The following ACTN1 variants were observed in gnomAD, a reference collection of about 807,000 sequenced individuals.
The protein encoded by ACTN1 is actinin alpha 1, also known as alpha-actinin-1.
ACTN1 carries 30 observed loss-of-function variants against 119.6 expected under a neutral mutation model. The observed-to-expected ratio is 0.25, with a 90% confidence interval of 0.19 to 0.34. The LOEUF is 0.34. Among genes scored for constraint, ACTN1 ranks in the 10% least tolerant of loss-of-function variants. The pLI is 1.00. For missense variants in ACTN1, 764 were observed against 1,223.4 expected, an observed-to-expected ratio of 0.62 and a Z score of 5.60; for synonymous variants, 429 against 472.6, an observed-to-expected ratio of 0.91 and a Z score of 1.20.
chr14:68,923,280 T>C (rs2034747355), intron 2 of ACTN1, among the ~76,000 whole-genome samples: 1 of 152,054 alleles, frequency 6.6e-6, no homozygotes, highest in African/African-American at 2.4e-5. Flanking sequence ...GACTACACTT[T>C]GTGATAAAAG....
intron 1 of ACTN1, among the ~76,000 whole-genome samples, chr14:68,975,571 CACAT>C (rs1306410589): frequency 1.3e-5 from 2 of 152,266 alleles, no homozygotes; most frequent in South Asian, 2.1e-4. Context: ...ACTGGGTACA[CACAT>C]ACACCTAAGA....
Position 68,879,987 on chromosome 14 carries a change from C to T in ACTN1, c.2255G>A (p.Arg752Gln), listed in dbSNP as rs387907347. The T allele has an allele frequency of 3.7e-6, 6 of 1,614,150 alleles. No homozygotes were observed. The highest frequency in any genetic ancestry group is 1.7e-6 in the Non-Finnish European group (2 of 1,179,978). Residue 752 changes from arginine (R) to glutamine (Q), a missense_variant, in exon 18 of 22, where the codon CGG becomes CAG. Transcript: ENST00000394419. This position sits in a 1 kb window ranked among gnomAD's most constrained non-coding sequence, Gnocchi z 4.9. ...CCGGTCAAAGTGGTTGAAGGAGGCC[C>T]GGAACTCATTCATCTGCTCCTGGCT... ...GISQEQMNEFRASFNHFDRDH... is the reference protein window; with the variant it reads ...GISQEQMNEFQASFNHFDRDH...
chr14:68,908,868 A>C (rs1392170677), intron 6 of ACTN1, among the ~76,000 whole-genome samples: 3 of 152,252 alleles, frequency 2.0e-5, no homozygotes, highest in Non-Finnish European at 2.9e-5. Context: ...AACTTGAGCA[A>C]TAAAGGAAAC....
intron 1 of ACTN1, among the ~76,000 whole-genome samples, chr14:68,972,552 G>T (rs2036922366): frequency 6.6e-6 from 1 of 152,158 alleles, no homozygotes; most frequent in African/African-American, 2.4e-5. Flanking sequence ...CAATCTAGTG[G>T]TTTCACGTAT....
intron 14 of ACTN1, 86 bp downstream of exon 14, chr14:68,884,080 CAG>C: frequency 7.3e-7 from 1 of 1,361,328 alleles, no homozygotes; most frequent in Non-Finnish European, 9.9e-7. Context: ...TGCTCTTCCT[CAG>C]GGGGCAGTCC....
Position 68,923,054 on chromosome 14 carries a change from A to G in ACTN1, c.221-1929T>C, listed in dbSNP as rs116429135. ...GCAAAGAGACACATGCTTCACAGAA[A>G]TGCACAGGTCCCCTGGGCACACGTC... On this transcript the variant is annotated intron_variant, in intron 2 of 21. Transcript: ENST00000394419. Among the ~76,000 whole-genome samples the G allele has an allele frequency of 8.4e-3, 1,285 of 152,318 alleles. 12 individuals are homozygous for G. The highest frequency in any genetic ancestry group is 0.029 in the African/African-American group (1,204 of 41,580).
At chr14:68,906,666 G>A (rs965225284) in intron 6 of ACTN1, among the ~76,000 whole-genome samples, 1 of 152,212 alleles carries the variant, frequency 6.6e-6, no homozygotes, top group African/African-American at 2.4e-5. Flanking sequence ...GGCTGCTGCA[G>A]GAAGGAAGAG....
chr14:68,966,490 C>T (rs1034139990), intron 1 of ACTN1, among the ~76,000 whole-genome samples: 1 of 152,166 alleles, frequency 6.6e-6, no homozygotes, highest in African/African-American at 2.4e-5. Context: ...CCTGAGGCCC[C>T]GGTACCTAAC....
intron 2 of ACTN1, among the ~76,000 whole-genome samples, chr14:68,924,429 C>T (rs936180174): frequency 4.6e-5 from 7 of 152,224 alleles, no homozygotes; most frequent in Non-Finnish European, 1.0e-4. Flanking sequence ...CCCCACCCCA[C>T]AACTGGCAGA....
chr14:68,895,656 A>G (rs1414630322), intron 8 of ACTN1, among the ~76,000 whole-genome samples: 2 of 152,222 alleles, frequency 1.3e-5, no homozygotes, highest in East Asian at 3.8e-4. Context: ...GCAGCTACTC[A>G]TAACTGGCAC....
rs2033887844 is a variant in ACTN1 at position 68,909,718 on chromosome 14, C to T, written c.515+237G>A. Among the ~76,000 whole-genome samples the T allele has an allele frequency of 6.6e-6, 1 of 152,318 alleles. No homozygotes were observed. Among genetic ancestry groups the T allele is most frequent in the Non-Finnish European group, 1.5e-5 (1 of 68,034 alleles). On this transcript the variant is annotated intron_variant, in intron 5 of 21. Transcript: ENST00000394419. The surrounding 1 kb of genome is among the most constrained non-coding windows in gnomAD (Gnocchi z 4.1). ...TGGACAATTTCCTTGGGGGCGCTCC[C>T]AGTAGCAAAAGCATCAACCAAAGTT...
chr14:68,878,826 G>A lies in ACTN1; in HGVS notation c.2361+163C>T. On this transcript the variant is annotated intron_variant, in intron 19 of 21. Coordinates refer to ENST00000394419, the MANE Select transcript of ACTN1 (RefSeq NM_001130004.2). The surrounding 1 kb of genome is among the most constrained non-coding windows in gnomAD (Gnocchi z 4.4). ...CATGAAAGACAGCAGAGGGCAGAGG[G>A]TGGACCAGTGATGGGGCAGACAGAG... 2.5e-6 allele frequency: 4 copies of A among 1,593,982 alleles called. No individual in the cohort carries two copies. The highest frequency in any genetic ancestry group is 2.2e-5 in the South Asian group (2 of 90,068).
At chr14:68,890,709 A>G (rs1275902387) in intron 10 of ACTN1, among the ~76,000 whole-genome samples, 2 of 152,236 alleles carry the variant, frequency 1.3e-5, no homozygotes, top group Admixed American at 6.5e-5. Flanking sequence ...GGAGCTGCCC[A>G]GCCTCCCCAC....
chr14:68,905,995 A>C (rs1054721409), intron 6 of ACTN1, among the ~76,000 whole-genome samples: 2 of 151,868 alleles, frequency 1.3e-5, no homozygotes, highest in African/African-American at 2.4e-5. Flanking sequence ...AAAAAAAAAA[A>C]AAAACAGCAA....
intron 1 of ACTN1, among the ~76,000 whole-genome samples, chr14:68,943,555 G>C (rs1458625432): frequency 6.6e-6 from 1 of 152,164 alleles, no homozygotes; most frequent in East Asian, 1.9e-4. Flanking sequence ...TGAAAGGAAA[G>C]ATCAGCGTTC....
intron 8 of ACTN1, among the ~76,000 whole-genome samples, chr14:68,898,152 C>T (rs886240789): frequency 9.9e-5 from 15 of 152,212 alleles, no homozygotes; most frequent in Admixed American, 8.5e-4. Context: ...CCAGATGGCT[C>T]ATGAATTTCT....
chr14:68,899,298 A>C (rs1157871436), intron 8 of ACTN1, among the ~76,000 whole-genome samples: 2 of 141,798 alleles, frequency 1.4e-5, no homozygotes, highest in South Asian at 2.3e-4. Context: ...CACACCTCAC[A>C]CCCACAGCAC....
intron 4 of ACTN1, among the ~76,000 whole-genome samples, chr14:68,910,801 A>G (rs904815132): frequency 2.0e-5 from 3 of 152,168 alleles, no homozygotes; most frequent in African/African-American, 4.8e-5. Flanking sequence ...GTGGTAGTGA[A>G]TAAGTCTCAC....
At position 68,885,887 on chromosome 14, in the gene ACTN1, C is replaced by A; in HGVS notation, c.1235-312G>T. 1 of 266,516 alleles carries A rather than the reference C, an allele frequency of 3.8e-6. No homozygotes were observed. Among genetic ancestry groups the A allele is most frequent in the Non-Finnish European group, 7.3e-6 (1 of 136,264 alleles). The allele number at this position is 266,516 out of a possible 1,614,324, so 16.5% of individuals were successfully genotyped here. A position where few individuals can be genotyped will look rare whatever the true frequency, so the allele number is the denominator to read the frequency against. On this transcript the variant is annotated intron_variant, in intron 11 of 21. Transcript: ENST00000394419. The surrounding 1 kb of genome is among the most constrained non-coding windows in gnomAD (Gnocchi z 5.6). ...ACACACAGCGGGAAACACAGCCATC[C>A]ACACCCTCTGGTATAACCAGGAAAA...
Sources: allele counts gnomAD v4.1 joint callset (sites outside exome capture counted in the v4.1 genomes callset), GRCh38; gene constraint gnomAD v4.1.1; non-coding constraint Gnocchi (gnomAD v3.1); transcripts MANE v1.5; gene names NCBI Gene and HGNC (gene_info 2026-07-23, HGNC 2026-07-21).